ASTN2: variants seen among roughly 807,000 people sequenced by gnomAD.
ASTN2 encodes astrotactin-2.
Under a neutral mutation model 139.8 loss-of-function variants are expected in ASTN2, and 54 were observed. The observed-to-expected ratio is 0.39, with a 90% CI of 0.31 to 0.48. ASTN2 has a LOEUF of 0.48. Ranked by LOEUF, ASTN2 falls within the 20% of genes least tolerant of loss-of-function variation. The pLI is 0.95. For synonymous variants in ASTN2, 756 were observed against 719.5 expected, an observed-to-expected ratio of 1.05 and a Z score of -0.81; for missense variants, 1,565 against 1,725.1, an observed-to-expected ratio of 0.91 and a Z score of 1.64.
intron 19 of ASTN2, among the ~76,000 whole-genome samples, chr9:116,520,092 T>C (rs1016856144): frequency 6.6e-6 from 1 of 152,104 alleles, no homozygotes; most frequent in Non-Finnish European, 1.5e-5. Context: ...GAAGAATTGG[T>C]ACCAATGCTA....
intron 2 of ASTN2, among the ~76,000 whole-genome samples, chr9:117,240,865 A>T (rs1833185183): frequency 6.6e-6 from 1 of 151,664 alleles, no homozygotes; most frequent in Admixed American, 6.6e-5. Flanking sequence ...TCTTTTTCAC[A>T]CTCCACACCT....
intron 13 of ASTN2, among the ~76,000 whole-genome samples, chr9:116,750,820 G>A (rs1205483647): frequency 1.3e-5 from 2 of 152,182 alleles, no homozygotes; most frequent in African/African-American, 4.8e-5. Context: ...TTACAGGACA[G>A]CTGGAAATTA....
intron 4 of ASTN2, among the ~76,000 whole-genome samples, chr9:117,106,835 C>A (rs963685466): frequency 3.3e-5 from 5 of 152,022 alleles, no homozygotes; most frequent in Non-Finnish European, 7.4e-5. Context: ...TTTATTTATG[C>A]TAGGAATACA....
chr9:117,060,497 GAAAGAAAGA>G (rs1839250049), intron 5 of ASTN2, among the ~76,000 whole-genome samples: 1 of 82,722 alleles, frequency 1.2e-5, no homozygotes, highest in Admixed American at 1.4e-4. Flanking sequence ...ATGAAAGAAA[GAAAGAAAGA>G]AAGAAAGGAA....
intron 13 of ASTN2, among the ~76,000 whole-genome samples, chr9:116,768,976 T>C (rs60989429): frequency 0.017 from 2,581 of 152,274 alleles, 47 homozygotes; most frequent in South Asian, 0.056. Context: ...TATTTGCCCA[T>C]CAAATGAAAT....
chr9:117,225,585 C>G (rs1354347755), intron 2 of ASTN2, among the ~76,000 whole-genome samples: 3 of 75,068 alleles, frequency 4.0e-5, no homozygotes, highest in Non-Finnish European at 5.8e-5. Context: ...ACAGATGAAC[C>G]CAAGTGGCCA....
At chr9:116,495,350 G>A (rs1849636774) in intron 19 of ASTN2, among the ~76,000 whole-genome samples, 1 of 152,134 alleles carries the variant, frequency 6.6e-6, no homozygotes, top group Non-Finnish European at 1.5e-5. Flanking sequence ...GTAGAGCTAA[G>A]GCCCCTTTTA....
chr9:116,736,326 A>G (rs1403410019), intron 13 of ASTN2, among the ~76,000 whole-genome samples: 1 of 152,220 alleles, frequency 6.6e-6, no homozygotes, highest in Admixed American at 6.5e-5. Context: ...ATTCACTCAG[A>G]AAGTTGAATA....
chr9:117,407,800 C>T (rs1264484746), intron 1 of ASTN2, among the ~76,000 whole-genome samples: 2 of 152,126 alleles, frequency 1.3e-5, no homozygotes, highest in Admixed American at 1.3e-4. Flanking sequence ...GCTGTCTGCT[C>T]CATTGCAAGG....
chr9:116,498,583 G>C lies in ASTN2; in HGVS notation c.3356-11083C>G, dbSNP rs7850925. ...ACTGCACTCCAGCCTGGGCAATAGA[G>C]TGAGACCCTACCTCAAAAAAAAAAA... On this transcript the variant is annotated intron_variant, in intron 19 of 22. Coordinates refer to ENST00000313400, the MANE Select transcript of ASTN2 (RefSeq NM_001365068.1). 6.2e-3 allele frequency among the ~76,000 whole-genome samples: 944 copies of C among 151,106 alleles called. 14 individuals are homozygous for C. Among genetic ancestry groups the C allele is most frequent in the African/African-American group, 0.022 (883 of 40,800 alleles).
At chr9:116,544,550 T>C (rs1223920880) in intron 19 of ASTN2, among the ~76,000 whole-genome samples, 1 of 152,228 alleles carries the variant, frequency 6.6e-6, no homozygotes, top group Non-Finnish European at 1.5e-5. Context: ...TCTATTTATG[T>C]AGATGTCACG....
At chr9:116,563,006 G>A (rs191062804) in intron 19 of ASTN2, among the ~76,000 whole-genome samples, 4 of 152,124 alleles carry the variant, frequency 2.6e-5, no homozygotes, top group African/African-American at 7.2e-5. Context: ...GAGAAGAGAT[G>A]TAAGTAGACC....
chr9:117,058,788 G>A (rs1025207073), intron 5 of ASTN2, among the ~76,000 whole-genome samples: 1 of 152,166 alleles, frequency 6.6e-6, no homozygotes, highest in East Asian at 1.9e-4. Context: ...AAATGCTAGT[G>A]TACAGAAGAA....
intron 2 of ASTN2, among the ~76,000 whole-genome samples, chr9:117,244,132 C>T (rs1488443875): frequency 1.3e-5 from 2 of 152,176 alleles, no homozygotes; most frequent in African/African-American, 2.4e-5. Flanking sequence ...CCATGTAAGA[C>T]GTGCCTCTTC....
At chr9:116,994,572 C>A (rs934221147) in intron 7 of ASTN2, among the ~76,000 whole-genome samples, 2 of 152,182 alleles carry the variant, frequency 1.3e-5, no homozygotes, top group African/African-American at 4.8e-5. Flanking sequence ...TGAAAGCCAC[C>A]AGCCAGATGT....
chr9:117,291,255 C>T, intron 2 of ASTN2, 71 bp downstream of exon 2: 1 of 1,548,182 alleles, frequency 6.5e-7, no homozygotes, highest in Non-Finnish European at 8.8e-7. Context: ...CAATCCCCCG[C>T]CCCCTCCATC....
At chr9:116,750,962 T>C (rs1829382683) in intron 13 of ASTN2, among the ~76,000 whole-genome samples, 1 of 152,240 alleles carries the variant, frequency 6.6e-6, no homozygotes, top group South Asian at 2.1e-4. Context: ...ATCCAGTTTG[T>C]AAGACCCTGG....
intron 3 of ASTN2, among the ~76,000 whole-genome samples, chr9:117,160,417 A>T (rs12352679): frequency 4.2e-5 from 2 of 47,472 alleles, no homozygotes; most frequent in African/African-American, 8.3e-5. Context: ...CTCCCTAAAA[A>T]GGCCACTGGA....
intron 19 of ASTN2, among the ~76,000 whole-genome samples, chr9:116,501,794 T>C (rs1849863306): frequency 6.6e-6 from 1 of 151,762 alleles, no homozygotes; most frequent in African/African-American, 2.4e-5. Context: ...ACGTCACATG[T>C]ATCCATATGT....
Sources: gnomAD v4.1 joint callset for allele counts (sites outside exome capture counted in the v4.1 genomes callset) on GRCh38, gnomAD v4.1.1 for gene constraint, MANE v1.5 for transcripts, NCBI Gene and HGNC (gene_info 2026-07-23, HGNC 2026-07-21) for gene names.